The following PRICKLE1 variants were observed in gnomAD, a reference collection of about 807,000 sequenced individuals.
PRICKLE1 encodes the protein prickle-like protein 1.
In PRICKLE1, 14 loss-of-function variants were observed where a neutral mutation model predicts 70.2. That is an observed-to-expected ratio of 0.20 (90% CI 0.13 to 0.31). PRICKLE1 has a LOEUF of 0.31. Among genes scored for constraint, PRICKLE1 ranks in the 10% least tolerant of loss-of-function variants. The pLI is 1.00. For synonymous variants in PRICKLE1, 357 were observed against 379.9 expected (o/e 0.94, Z 0.70); for missense variants, 821 against 1,026.2 (o/e 0.80, Z 2.73).
At chr12:42,484,298 C>G (rs1669917) in intron 1 of PRICKLE1, 121,367 of 152,030 alleles carry the variant, frequency 0.8, 48,857 homozygotes, top group African/African-American at 0.88. Context: ...TCCATTCTCC[C>G]GAGCCCAGTG....
intron 1 of PRICKLE1, among the ~76,000 whole-genome samples, chr12:42,527,820 T>C (rs1218924143): frequency 2.0e-5 from 3 of 150,972 alleles, no homozygotes; most frequent in Non-Finnish European, 3.0e-5. Flanking sequence ...GAAGCACTGA[T>C]ATTGGGAAGA....
intron 1 of PRICKLE1, among the ~76,000 whole-genome samples, chr12:42,496,546 T>C (rs1397301466): frequency 6.6e-6 from 1 of 152,240 alleles, no homozygotes; most frequent in Non-Finnish European, 1.5e-5. Flanking sequence ...GCTATGAAAA[T>C]CCTAGATGGC....
At chr12:42,527,374 G>C (rs11181540) in intron 1 of PRICKLE1, among the ~76,000 whole-genome samples, 85,693 of 151,636 alleles carry the variant, frequency 0.57, 24,447 homozygotes, top group Admixed American at 0.67. Context: ...CTCAAGTGAT[G>C]TGCCTGCCTT....
At chr12:42,530,483 A>G (rs1032134792) in intron 1 of PRICKLE1, among the ~76,000 whole-genome samples, 2 of 152,102 alleles carry the variant, frequency 1.3e-5, no homozygotes, top group African/African-American at 4.8e-5. Context: ...GATTTCTTGA[A>G]TCAGCATTTT....
At chr12:42,490,685 C>A (rs1240564924) in intron 1 of PRICKLE1, among the ~76,000 whole-genome samples, 6 of 151,914 alleles carry the variant, frequency 3.9e-5, no homozygotes, top group Non-Finnish European at 7.4e-5. Context: ...TGGGTAGGGG[C>A]AGTGGAAGGG....
chr12:42,561,610 G>C (rs1467033691), intron 1 of PRICKLE1, among the ~76,000 whole-genome samples: 1 of 152,116 alleles, frequency 6.6e-6, no homozygotes, highest in Non-Finnish European at 1.5e-5. Context: ...TTTAATTACA[G>C]GTTAATATGT....
At chr12:42,517,549 T>C (rs1295734565) in intron 1 of PRICKLE1, among the ~76,000 whole-genome samples, 1 of 152,064 alleles carries the variant, frequency 6.6e-6, no homozygotes, top group Non-Finnish European at 1.5e-5. Flanking sequence ...CCTGACCTCG[T>C]GATCCGCCCA....
At chr12:42,479,600 C>T (rs1796361) in intron 1 of PRICKLE1, among the ~76,000 whole-genome samples, 121,509 of 152,170 alleles carry the variant, frequency 0.8, 48,918 homozygotes, top group African/African-American at 0.88. Context: ...TGTTATTGAA[C>T]GGTTCTGGGG....
Position 42,465,145 on chromosome 12 carries a change from G to C in PRICKLE1, c.889C>G (p.Gln297Glu), listed in dbSNP as rs1335506558. ...SLLGCPFLPK[Q>E]GQIYCSKTCS... ...GTTTTTGAGCAGTAAATCTGACCCT[G>C]TTTGGGAAGGAAGGGACATCCCAAC... is the stretch of plus-strand genomic sequence containing the variant. Residue 297 changes from glutamine (Q) to glutamate (E), a missense_variant, in exon 7 of 8, where the codon CAG (glutamine) becomes GAG (glutamate). Physicochemically the swap from Gln to Glu is conservative, Grantham distance 29 (BLOSUM62 2). Transcript: ENST00000345127. 1 of 1,586,196 alleles carries C rather than the reference G, an allele frequency of 6.3e-7. No homozygotes were observed. The highest frequency in any genetic ancestry group is 2.2e-5 in the East Asian group (1 of 44,784).
At chr12:42,485,055 G>T (rs1047024954) in intron 1 of PRICKLE1, among the ~76,000 whole-genome samples, 2 of 151,462 alleles carry the variant, frequency 1.3e-5, no homozygotes, top group African/African-American at 4.9e-5. Flanking sequence ...AAATAATCCT[G>T]TACCATCAGG....
At chr12:42,553,521 C>A (rs1940362300) in intron 1 of PRICKLE1, among the ~76,000 whole-genome samples, 1 of 18,966 alleles carries the variant, frequency 5.3e-5, no homozygotes, top group African/African-American at 1.8e-4. Flanking sequence ...GCTCTAGAAT[C>A]AGGGGGTGGG....
chr12:42,578,741 C>CA (rs1940844763), intron 1 of PRICKLE1, among the ~76,000 whole-genome samples: 1 of 90,534 alleles, frequency 1.1e-5, no homozygotes, highest in South Asian at 3.4e-4. Context: ...GTGTTTATTT[C>CA]ATTTTATTTA....
chr12:42,493,196 G>A (rs1428354645), intron 1 of PRICKLE1, among the ~76,000 whole-genome samples: 1 of 152,000 alleles, frequency 6.6e-6, no homozygotes, highest in Non-Finnish European at 1.5e-5. Context: ...AATAATAATT[G>A]TACATTTAAA....
At chr12:42,501,162 G>A (rs1378469901) in intron 1 of PRICKLE1, among the ~76,000 whole-genome samples, 1 of 152,046 alleles carries the variant, frequency 6.6e-6, no homozygotes, top group Admixed American at 6.6e-5. Flanking sequence ...AGAATCCAAT[G>A]ATATGGCTAG....
At chr12:42,555,252 C>T (rs1035444071) in intron 1 of PRICKLE1, among the ~76,000 whole-genome samples, 1 of 152,062 alleles carries the variant, frequency 6.6e-6, no homozygotes, top group Non-Finnish European at 1.5e-5. Context: ...TGTAGTGAGT[C>T]GAGATCACGC....
intron 1 of PRICKLE1, among the ~76,000 whole-genome samples, chr12:42,579,746 C>G (rs1172277186): frequency 6.6e-6 from 1 of 152,102 alleles, no homozygotes; most frequent in East Asian, 1.9e-4. Flanking sequence ...TAAAGTTCTT[C>G]TTTTAATTAA....
intron 1 of PRICKLE1, among the ~76,000 whole-genome samples, chr12:42,580,457 G>A (rs904612750): frequency 1.3e-5 from 2 of 152,140 alleles, no homozygotes; most frequent in Non-Finnish European, 2.9e-5. Context: ...GCACCATGGA[G>A]TATGCCTAAA....
intron 1 of PRICKLE1, among the ~76,000 whole-genome samples, chr12:42,476,200 T>TC (rs988561828): frequency 3.1e-4 from 43 of 138,368 alleles, no homozygotes; most frequent in African/African-American, 1.4e-3. Flanking sequence ...TTTCTTTTTT[T>TC]TTTTTGAGTT....
chr12:42,544,656 A>G (rs1566120691), intron 1 of PRICKLE1, among the ~76,000 whole-genome samples: 1 of 152,238 alleles, frequency 6.6e-6, no homozygotes, highest in Non-Finnish European at 1.5e-5. Context: ...ACCCTCTGAT[A>G]GAACTAGTTA....
Sources: gnomAD v4.1 joint callset for allele counts (sites outside exome capture counted in the v4.1 genomes callset) on GRCh38, gnomAD v4.1.1 for gene constraint, MANE v1.5 for transcripts, NCBI Gene and HGNC (gene_info 2026-07-23, HGNC 2026-07-21) for gene names.